UQCC1: variants seen among roughly 807,000 people sequenced by gnomAD.
The protein encoded by UQCC1 is ubiquinol-cytochrome c reductase complex assembly factor 1.
In UQCC1, 38 loss-of-function variants were observed where a neutral mutation model predicts 48.0. The ratio of observed to expected loss-of-function variants is 0.79; its 90% CI spans 0.61 to 1.04. The LOEUF is 1.04. UQCC1 is among the 50% of genes least tolerant of loss of function. The pLI, the probability that UQCC1 is intolerant of heterozygous loss-of-function variation, is 0.00. For missense variants in UQCC1, 368 were observed against 381.8 expected (o/e 0.96, Z 0.30); for synonymous variants, 111 against 129.2 (o/e 0.86, Z 0.95).
chr20:35,312,230 A>G (rs1568647992), intron 8 of UQCC1, among the ~76,000 whole-genome samples: 2 of 152,158 alleles, frequency 1.3e-5, no homozygotes, highest in African/African-American at 4.8e-5. Context: ...CTTGAGCAAT[A>G]ATTCTCAATT....
In UQCC1 at chr20:35,366,572, G is replaced by T; in HGVS notation, c.449C>A (p.Thr150Asn). ...PDTFNSWFLI[T>N]LLHVWMCLVR... ...GCTCACTTACCAGACGTGGAGTAGG[G>T]TTATAAGAAACCATGAATTGAATGT... The change falls in exon 6 of 10, where the codon ACC (threonine) becomes AAC (asparagine). Residue 150 changes from threonine to asparagine, a missense_variant. By Grantham distance (65) the Thr-to-Asn change is moderately conservative (BLOSUM62 0). Coordinates refer to ENST00000374385, the MANE Select transcript of UQCC1 (RefSeq NM_018244.5). 1 of 1,613,918 alleles carries T rather than the reference G, an allele frequency of 6.2e-7. No individual in the cohort carries two copies. The highest frequency in any genetic ancestry group is 1.1e-5 in the South Asian group (1 of 91,068).
chr20:35,312,374 C>T (rs576206560), intron 8 of UQCC1, among the ~76,000 whole-genome samples: 1 of 152,248 alleles, frequency 6.6e-6, no homozygotes, highest in South Asian at 2.1e-4. Context: ...AGTTAAGAAA[C>T]TGAACTCCAG....
chr20:35,335,175 G>C (rs915959592), intron 7 of UQCC1, among the ~76,000 whole-genome samples: 2 of 152,024 alleles, frequency 1.3e-5, no homozygotes, highest in African/African-American at 4.8e-5. Flanking sequence ...CAAACAACTT[G>C]ATAAAAGACA....
intron 8 of UQCC1, among the ~76,000 whole-genome samples, chr20:35,313,995 C>G (rs2061026282): frequency 6.6e-6 from 1 of 152,102 alleles, no homozygotes; most frequent in Admixed American, 6.6e-5. Flanking sequence ...GACGGAGTCT[C>G]ACTCTGTCAC....
chr20:35,306,997 G>C lies in UQCC1; in HGVS notation c.652-218C>G. The C allele has an allele frequency of 5.2e-6, 3 of 577,852 alleles. 1 individual carries two copies. In the South Asian group the frequency reaches 5.5e-5, roughly 11 times the overall value. The allele number at this position is 577,852 out of a possible 1,614,324, so 35.8% of individuals were successfully genotyped here. ...TTTTATTACATACAGAGGGAGAACAGGGGGTCCAGAGGGGCCAAGCCACCA... is the reference window on the plus strand; with the variant it reads ...TTTTATTACATACAGAGGGAGAACACGGGGTCCAGAGGGGCCAAGCCACCA... On this transcript the variant is annotated intron_variant, in intron 8 of 9. Transcript: ENST00000374385.
At chr20:35,395,676 A>G (rs1244680092) in intron 1 of UQCC1, among the ~76,000 whole-genome samples, 1 of 152,156 alleles carries the variant, frequency 6.6e-6, no homozygotes, top group Non-Finnish European at 1.5e-5. Flanking sequence ...CCACAGGGAC[A>G]GAAGCAACTA....
chr20:35,409,891 C>T (rs950775441), intron 1 of UQCC1, among the ~76,000 whole-genome samples: 3 of 152,064 alleles, frequency 2.0e-5, no homozygotes, highest in Admixed American at 6.6e-5. Flanking sequence ...CTGCAACCTC[C>T]GCCTCCTGGG....
At chr20:35,318,086 A>C (rs897253572) in intron 7 of UQCC1, among the ~76,000 whole-genome samples, 1 of 152,240 alleles carries the variant, frequency 6.6e-6, no homozygotes, top group African/African-American at 2.4e-5. Context: ...AATCACAGCC[A>C]CAAACGGATG....
intron 1 of UQCC1, among the ~76,000 whole-genome samples, chr20:35,411,676 A>T (rs1228068403): frequency 6.6e-6 from 1 of 152,136 alleles, no homozygotes; most frequent in African/African-American, 2.4e-5. Context: ...AAGCAGGTAC[A>T]TGGGGGAGGG....
chr20:35,318,198 A>T (rs1400539987), intron 7 of UQCC1, among the ~76,000 whole-genome samples: 1 of 152,212 alleles, frequency 6.6e-6, no homozygotes, highest in African/African-American at 2.4e-5. Flanking sequence ...CACACCATTA[A>T]GCTTTGGAGC....
At chr20:35,342,275 T>C (rs767852192) in intron 7 of UQCC1, among the ~76,000 whole-genome samples, 24 of 152,202 alleles carry the variant, frequency 1.6e-4, no homozygotes, top group Non-Finnish European at 2.2e-4. Flanking sequence ...AGCCTGCTCA[T>C]TGTGAGCCAC....
At chr20:35,320,203 T>G (rs1193473158) in intron 7 of UQCC1, among the ~76,000 whole-genome samples, 1 of 152,200 alleles carries the variant, frequency 6.6e-6, no homozygotes, top group African/African-American at 2.4e-5. Flanking sequence ...CTCTCCCCCA[T>G]CTACAGGTGC....
chr20:35,366,723 T>C lies in UQCC1; in HGVS notation c.407-109A>G, dbSNP rs2061670762. ...CTTATGGTGCTCTCTGATTATGCTA[T>C]TGCAGAAAAGTCCAGTAGAACAATA... On this transcript the variant is annotated intron_variant, in intron 5 of 9. Transcript: ENST00000374385. 5.3e-6 allele frequency: 5 copies of C among 938,694 alleles called. No homozygotes were observed. In the East Asian group the frequency reaches 7.7e-5, roughly 14 times the overall value. The allele number at this position is 938,694 out of a possible 1,614,324, so 58.1% of individuals were successfully genotyped here.
chr20:35,355,070 A>G (rs1283588636), intron 6 of UQCC1, among the ~76,000 whole-genome samples: 1 of 152,110 alleles, frequency 6.6e-6, no homozygotes, highest in Non-Finnish European at 1.5e-5. Context: ...TTCTGTGCAC[A>G]TCTTTGGGAT....
intron 1 of UQCC1, among the ~76,000 whole-genome samples, chr20:35,395,172 CACTGATCACT>C (rs1197837943): frequency 1.6e-4 from 25 of 152,242 alleles, no homozygotes; most frequent in African/African-American, 6.0e-4. Context: ...GATTGATTAT[CACTGATCACT>C]GGTGATCAGC....
At chr20:35,394,582 A>C (rs1446405814) in intron 1 of UQCC1, among the ~76,000 whole-genome samples, 1 of 152,184 alleles carries the variant, frequency 6.6e-6, no homozygotes. Context: ...CAATCATGCC[A>C]ACAATAAGCC....
chr20:35,399,721 G>T (rs1289848181), intron 1 of UQCC1, among the ~76,000 whole-genome samples: 1 of 151,770 alleles, frequency 6.6e-6, no homozygotes, highest in Non-Finnish European at 1.5e-5. Context: ...GCCGGGCGTG[G>T]TGGCAGGTGC....
rs779878513 is a variant in UQCC1 at position 35,381,925 on chromosome 20, C to CTGTA, written c.322_325dup (p.Ser109IlefsTer3). ...GAACTTAAAGGACTTTACCCATTTA[C>CTGTA]TGTATTTCAAAGGTCCCGTGAATCC... On this transcript the variant is annotated frameshift_variant, in exon 4 of 10. Transcript: ENST00000374385. LOFTEE classifies it high-confidence loss of function. 1 of 1,585,288 alleles carries CTGTA rather than the reference C, an allele frequency of 6.3e-7. No homozygotes were observed. The highest frequency in any genetic ancestry group is 1.1e-5 in the South Asian group (1 of 88,854).
intron 1 of UQCC1, among the ~76,000 whole-genome samples, chr20:35,399,356 AC>A (rs1299676255): frequency 1.3e-5 from 2 of 152,172 alleles, no homozygotes; most frequent in Non-Finnish European, 2.9e-5. Context: ...TGAAACTTAA[AC>A]ACCTGGTCCT....
Sources: gnomAD v4.1 joint callset for allele counts (sites outside exome capture counted in the v4.1 genomes callset) on GRCh38, gnomAD v4.1.1 for gene constraint, MANE v1.5 for transcripts, NCBI Gene and HGNC (gene_info 2026-07-23, HGNC 2026-07-21) for gene names.